The following HERC2 variants were observed in gnomAD, a reference collection of about 807,000 sequenced individuals.
HERC2 encodes the protein E3 ubiquitin-protein ligase HERC2.
Under a neutral mutation model 537.7 loss-of-function variants are expected in HERC2, and 102 were observed. The observed-to-expected ratio is 0.19, with a 90% CI of 0.16 to 0.22. The LOEUF (loss-of-function observed/expected upper bound fraction) is 0.22, where lower values mean the gene tolerates loss of function less well. Among genes scored for constraint, HERC2 ranks in the 10% least tolerant of loss-of-function variants. HERC2 has a pLI of 1.00. For synonymous variants in HERC2, 2,224 were observed against 2,466.2 expected, an observed-to-expected ratio of 0.90 and a Z score of 2.91; for missense variants, 4,236 against 6,198.2, an observed-to-expected ratio of 0.68 and a Z score of 10.63.
At chr15:28,181,714 C>A (rs1418820071) in intron 57 of HERC2, among the ~76,000 whole-genome samples, 1 of 152,220 alleles carries the variant, frequency 6.6e-6, no homozygotes, top group Non-Finnish European at 1.5e-5. Context: ...TCATTTCTTA[C>A]ACCTATTCTT....
At position 28,176,928 on chromosome 15, in the gene HERC2, C is replaced by T; in HGVS notation, c.9432+22G>A. On this transcript the variant is annotated intron_variant, in intron 61 of 92. Transcript: ENST00000261609. This position sits in a 1 kb window ranked among gnomAD's most constrained non-coding sequence, Gnocchi z 5.0. Reference sequence around the variant, plus strand: ...CTTCAGATGGTAAGCTTTCTGCAAGCAACAAAAATGCGTATAATCACCATT... The same window carrying T: ...CTTCAGATGGTAAGCTTTCTGCAAGTAACAAAAATGCGTATAATCACCATT... The T allele has an allele frequency of 6.2e-7, 1 of 1,601,244 alleles. No homozygotes were observed. Among genetic ancestry groups the T allele is most frequent in the Non-Finnish European group, 8.5e-7 (1 of 1,170,956 alleles).
intron 4 of HERC2, among the ~76,000 whole-genome samples, chr15:28,291,589 A>T (rs2076313845): frequency 6.6e-6 from 1 of 152,108 alleles, no homozygotes; most frequent in African/African-American, 2.4e-5. Context: ...TTTTAATTGG[A>T]ATGAAAATGC....
intron 3 of HERC2, among the ~76,000 whole-genome samples, chr15:28,295,676 G>A (rs1462168281): frequency 2.0e-5 from 3 of 152,138 alleles, no homozygotes; most frequent in Admixed American, 1.3e-4. Context: ...GGGATTACAG[G>A]TGTGAGCCAC....
intron 23 of HERC2, among the ~76,000 whole-genome samples, chr15:28,244,585 T>C (rs1218535935): frequency 6.6e-6 from 1 of 152,214 alleles, no homozygotes; most frequent in Non-Finnish European, 1.5e-5. Context: ...CTTTTGTGTA[T>C]GTGTTACTTA....
chr15:28,228,335 C>T lies in HERC2; in HGVS notation c.5347G>A (p.Ala1783Thr), dbSNP rs1445468447. The change falls in exon 35 of 93, where the codon GCC (alanine) becomes ACC (threonine). Residue 1783 changes from alanine (A) to threonine (T), a missense_variant. Physicochemically the swap from Ala to Thr is moderately conservative, Grantham distance 58. Around this residue, in one of 27 missense-constraint regions of HERC2, gnomAD observed 343 missense variants for 417.2 expected, o/e 0.82. Coordinates refer to ENST00000261609, the MANE Select transcript of HERC2 (RefSeq NM_004667.6). ...CTGAGCATCACCAGGAGGAAGCGGGCTTGCGGGATGGTCCCCAGGCTCGGT... is the reference window on the plus strand; with the variant it reads ...CTGAGCATCACCAGGAGGAAGCGGGTTTGCGGGATGGTCCCCAGGCTCGGT... The part of the protein sequence containing the change: ...SGPSLGTIPQ[A>T]RFLLVMLSML... 11 of 1,612,160 alleles carry T rather than the reference C, an allele frequency of 6.8e-6. No homozygotes were observed. In the African/African-American group the frequency reaches 1.1e-4, roughly 16 times the overall value.
At chr15:28,137,507 T>C (rs140140499) in intron 78 of HERC2, among the ~76,000 whole-genome samples, 2 of 152,354 alleles carry the variant, frequency 1.3e-5, no homozygotes, top group East Asian at 3.9e-4. Context: ...CTTGAAATAT[T>C]TTAAACTTTT....
intron 56 of HERC2, among the ~76,000 whole-genome samples, chr15:28,184,618 T>C (rs927668373): frequency 1.3e-5 from 2 of 151,994 alleles, no homozygotes; most frequent in African/African-American, 4.8e-5. Context: ...TCCCAGCACT[T>C]TGGGAGGCTG....
At chr15:28,252,359 C>G (rs1172083256) in intron 20 of HERC2, among the ~76,000 whole-genome samples, 2 of 152,046 alleles carry the variant, frequency 1.3e-5, no homozygotes, top group Non-Finnish European at 2.9e-5. Context: ...GGACCCACAA[C>G]AGGAACCCTA....
At chr15:28,273,032 C>T (rs1300470852) in intron 7 of HERC2, 28 bp from the exon 8 acceptor site, 6 of 1,518,552 alleles carry the variant, frequency 4.0e-6, no homozygotes, top group Non-Finnish European at 5.5e-6. Context: ...GATGCAGGAA[C>T]AAAGCAACCT....
chr15:28,163,389 G>A, intron 68 of HERC2, 104 bp from the exon 69 acceptor site: 2 of 987,312 alleles, frequency 2.0e-6, no homozygotes, highest in Non-Finnish European at 3.0e-6. Context: ...ATACCAACGA[G>A]TAAGAAACCT....
chr15:28,185,963 T>C (rs556003045), intron 56 of HERC2, among the ~76,000 whole-genome samples: 1 of 152,302 alleles, frequency 6.6e-6, no homozygotes, highest in East Asian at 1.9e-4. Context: ...ACAACAGTCA[T>C]CATCACAGTG....
intron 69 of HERC2, among the ~76,000 whole-genome samples, chr15:28,153,039 G>A (rs1892616273): frequency 6.6e-6 from 1 of 152,222 alleles, no homozygotes; most frequent in South Asian, 2.1e-4. Context: ...ATGCTGTGAA[G>A]CTTAGGGATG....
At position 28,220,477 on chromosome 15, in the gene HERC2, C is replaced by G; in HGVS notation, c.5820G>C (p.Glu1940Asp). The G allele has an allele frequency of 6.2e-7, 1 of 1,606,192 alleles. No individual in the cohort carries two copies. The highest frequency in any genetic ancestry group is 8.5e-7 in the Non-Finnish European group (1 of 1,179,818). Residue 1940 changes from glutamate to aspartate, a missense_variant, in exon 37 of 93, where the codon GAG (glutamate) becomes GAC (aspartate). By Grantham distance (45) the Glu-to-Asp change is conservative (BLOSUM62 2). Coordinates refer to ENST00000261609, the MANE Select transcript of HERC2 (RefSeq NM_004667.6). ...CAGAGTCATCCTCTGTGTCCGAATC[C>G]TCTGCTGAGGGCTGTGCAGCAGCCG... ...ELPAAAQPSA[E>D]DSDTEDDSEA...
At chr15:28,184,753 T>A (rs1281141034) in intron 56 of HERC2, among the ~76,000 whole-genome samples, 2 of 151,216 alleles carry the variant, frequency 1.3e-5, no homozygotes, top group Non-Finnish European at 2.9e-5. Context: ...TCCCAGCTAC[T>A]CAGGAGGCTG....
At chr15:28,203,302 C>T (rs1898069193) in intron 45 of HERC2, 2 of 141,332 alleles carry the variant, frequency 1.4e-5, no homozygotes, top group South Asian at 2.5e-4. Context: ...TTTTGTTAAA[C>T]GGAGCATGTG....
rs1451524292 is a variant in HERC2, at chr15:28,229,753, A to C, written c.4904T>G (p.Leu1635Arg). Residue 1635 changes from leucine (L) to arginine (R), a missense_variant, in exon 32 of 93, where the codon CTC becomes CGC. Around this residue, in one of 27 missense-constraint regions of HERC2, gnomAD observed 343 missense variants for 417.2 expected, o/e 0.82. Coordinates refer to ENST00000261609, the MANE Select transcript of HERC2 (RefSeq NM_004667.6). The stretch of plus-strand genomic sequence containing the variant: ...GGCAAATTCAGCAATTGTACTGAGG[A>C]GTGGAGACTGCGGATAAAGACCCTG... ...NVQGLYPQSP[L>R]LSTIAEFALK... is the part of the protein sequence containing the mutation. 2 of 1,575,904 alleles carry C rather than the reference A, an allele frequency of 1.3e-6. No homozygotes were observed. Among genetic ancestry groups the C allele is most frequent in the Non-Finnish European group, 1.7e-6 (2 of 1,147,070 alleles).
At chr15:28,148,400 T>C (rs575462053) in intron 70 of HERC2, among the ~76,000 whole-genome samples, 22 of 152,054 alleles carry the variant, frequency 1.4e-4, no homozygotes, top group African/African-American at 4.6e-4. Context: ...GTAACCAACA[T>C]TAACTCTAAA....
intron 55 of HERC2, among the ~76,000 whole-genome samples, chr15:28,187,960 TAACA>T (rs1896472862): frequency 6.6e-6 from 1 of 152,186 alleles, no homozygotes; most frequent in Non-Finnish European, 1.5e-5. Flanking sequence ...AAGCACACAC[TAACA>T]ATTACTTTTT....
At chr15:28,156,105 C>T (rs1487916037) in intron 69 of HERC2, among the ~76,000 whole-genome samples, 2 of 152,168 alleles carry the variant, frequency 1.3e-5, no homozygotes, top group Admixed American at 6.5e-5. Flanking sequence ...GGGCTCTGTT[C>T]TGTTCCATTG....
Sources: allele counts gnomAD v4.1 joint callset (sites outside exome capture counted in the v4.1 genomes callset), GRCh38; gene constraint gnomAD v4.1.1; regional missense constraint gnomAD v4.1.1; non-coding constraint Gnocchi (gnomAD v3.1); transcripts MANE v1.5; gene names NCBI Gene and HGNC (gene_info 2026-07-23, HGNC 2026-07-21).